The following EEIG1 variants were observed in gnomAD, a reference collection of about 807,000 sequenced individuals.
The protein encoded by EEIG1 is estrogen-induced osteoclastogenesis regulator 1, also known as early estrogen-induced gene 1 protein.
the EEIG1 span, chr9:127,979,977 C>T: frequency 6.2e-7 from 1 of 1,603,058 alleles, no homozygotes; most frequent in Non-Finnish European, 8.5e-7. Flanking sequence ...CAGGCGCGAC[C>T]GCCCCAGCTC....
the EEIG1 span, among the ~76,000 whole-genome samples, chr9:127,976,365 A>G: frequency 6.6e-6 from 1 of 152,150 alleles, no homozygotes; most frequent in African/African-American, 2.4e-5. This position sits in a 1 kb window ranked among gnomAD's most constrained non-coding sequence, Gnocchi z 4.1. Flanking sequence ...TCAAATAATC[A>G]TCTATTTGAG....
At chr9:127,970,783 G>A in the EEIG1 span, among the ~76,000 whole-genome samples, 9 of 39,610 alleles carry the variant, frequency 2.3e-4, no homozygotes, top group African/African-American at 4.5e-4. Flanking sequence ...CCTCTTTCCC[G>A]CTCAGCACGC....
chr9:127,957,042 A>G, the EEIG1 span, among the ~76,000 whole-genome samples: 1 of 151,706 alleles, frequency 6.6e-6, no homozygotes, highest in Non-Finnish European at 1.5e-5. Flanking sequence ...GTGGTGGCTC[A>G]TGTATGTAAT....
the EEIG1 span, chr9:127,945,525 T>C: frequency 1.3e-6 from 2 of 1,569,492 alleles, no homozygotes; most frequent in East Asian, 4.7e-5. This position sits in a 1 kb window ranked among gnomAD's most constrained non-coding sequence, Gnocchi z 6.5. Flanking sequence ...GCGTCAGGTC[T>C]GAGAGGCTGG....
At chr9:127,943,389 G>A in the EEIG1 span, 1 of 701,762 alleles carries the variant, frequency 1.4e-6, no homozygotes, top group Non-Finnish European at 2.5e-6. Flanking sequence ...GCGATGGTAA[G>A]TCCCTTGCCC....
the EEIG1 span, among the ~76,000 whole-genome samples, chr9:127,966,939 C>T: frequency 6.6e-6 from 1 of 152,192 alleles, no homozygotes; most frequent in Non-Finnish European, 1.5e-5. Context: ...TTGCAGAACC[C>T]CTGGGAAATC....
the EEIG1 span, among the ~76,000 whole-genome samples, chr9:127,955,663 C>G: frequency 6.6e-6 from 1 of 152,168 alleles, no homozygotes; most frequent in African/African-American, 2.4e-5. Flanking sequence ...ATAGAATGAG[C>G]CTGGGGAGTA....
At chr9:127,968,278 C>A in the EEIG1 span, among the ~76,000 whole-genome samples, 1 of 151,956 alleles carries the variant, frequency 6.6e-6, no homozygotes, top group Non-Finnish European at 1.5e-5. Context: ...AGGGCCTGGC[C>A]CCTCGAATGA....
the EEIG1 span, chr9:127,980,203 C>A: frequency 6.6e-7 from 1 of 1,509,692 alleles, no homozygotes; most frequent in Non-Finnish European, 9.0e-7. Context: ...GATTCCTTTC[C>A]CTACACCACA....
the EEIG1 span, among the ~76,000 whole-genome samples, chr9:127,949,130 A>T: frequency 2.4e-4 from 37 of 152,138 alleles, no homozygotes; most frequent in African/African-American, 8.0e-4. Flanking sequence ...CCTGGCTAAC[A>T]CGGTGAAACC....
At chr9:127,944,939 C>A in the EEIG1 span, 1 of 1,595,904 alleles carries the variant, frequency 6.3e-7, no homozygotes. Flanking sequence ...ACGGTCAGGG[C>A]AGTAACAGGT....
the EEIG1 span, among the ~76,000 whole-genome samples, chr9:127,958,161 G>A: frequency 2.0e-5 from 3 of 152,194 alleles, no homozygotes; most frequent in Admixed American, 6.5e-5. Flanking sequence ...CGTGTGTGAG[G>A]GGGGTGGTGC....
the EEIG1 span, among the ~76,000 whole-genome samples, chr9:127,971,502 T>A: frequency 8.2e-6 from 1 of 121,968 alleles, no homozygotes; most frequent in South Asian, 2.8e-4. Flanking sequence ...TGAGGGCTGC[T>A]CCTGACACAG....
the EEIG1 span, chr9:127,943,490 C>A: frequency 1.9e-6 from 1 of 536,646 alleles, no homozygotes; most frequent in Non-Finnish European, 3.4e-6. Flanking sequence ...CTCACGGTCA[C>A]CTCGGCAGGG....
chr9:127,951,106 G>C, the EEIG1 span, among the ~76,000 whole-genome samples: 1 of 152,194 alleles, frequency 6.6e-6, no homozygotes, highest in African/African-American at 2.4e-5. Context: ...TCGAGGGATG[G>C]GGAGGGAAGT....
chr9:127,972,454 G>A, the EEIG1 span: 1 of 152,366 alleles, frequency 6.6e-6, no homozygotes, highest in East Asian at 1.9e-4. This position sits in a 1 kb window ranked among gnomAD's most constrained non-coding sequence, Gnocchi z 4.3. Context: ...CATGCAGCGT[G>A]TGCACTGTAT....
At chr9:127,950,684 A>G in the EEIG1 span, 46 of 1,435,696 alleles carry the variant, frequency 3.2e-5, no homozygotes, top group Admixed American at 8.0e-5. Context: ...TGACTGTTGC[A>G]TAACTGGGAC....
the EEIG1 span, chr9:127,953,538 A>C: frequency 1.2e-6 from 2 of 1,604,944 alleles, no homozygotes; most frequent in Non-Finnish European, 1.7e-6. Context: ...GCCACCCCCC[A>C]TTCCATCCCA....
At chr9:127,969,783 T>A in the EEIG1 span, among the ~76,000 whole-genome samples, 4 of 152,096 alleles carry the variant, frequency 2.6e-5, no homozygotes, top group African/African-American at 9.7e-5. Context: ...GTCAGAACGG[T>A]TCAGGCTGCC....
Sources: gnomAD v4.1 joint callset for allele counts (sites outside exome capture counted in the v4.1 genomes callset) on GRCh38, gnomAD v4.1.1 for gene constraint, Gnocchi (gnomAD v3.1) non-coding constraint, MANE v1.5 for transcripts, NCBI Gene and HGNC (gene_info 2026-07-23, HGNC 2026-07-21) for gene names.